CADPS2: variants seen among roughly 807,000 people sequenced by gnomAD.
The protein encoded by CADPS2 is calcium dependent secretion activator 2.
In CADPS2, 93 loss-of-function variants were observed where a neutral mutation model predicts 172.5. The observed-to-expected ratio is 0.54, with a 90% CI of 0.46 to 0.64. The LOEUF (loss-of-function observed/expected upper bound fraction) is 0.64, where lower values mean the gene tolerates loss of function less well. Among genes scored for constraint, CADPS2 ranks in the 30% least tolerant of loss-of-function variants. The pLI is 0.00. For missense variants in CADPS2, 1,420 were observed against 1,565.9 expected (o/e 0.91, Z 1.57); for synonymous variants, 546 against 555.2 (o/e 0.98, Z 0.23).
At chr7:122,689,404 GGC>G (rs2084037912) in intron 2 of CADPS2, among the ~76,000 whole-genome samples, 1 of 152,170 alleles carries the variant, frequency 6.6e-6, no homozygotes, top group Non-Finnish European at 1.5e-5. Flanking sequence ...ACAAAAGGAG[GGC>G]AACTCAGATG....
intron 9 of CADPS2, among the ~76,000 whole-genome samples, chr7:122,512,158 C>A (rs2060051101): frequency 6.6e-6 from 1 of 152,062 alleles, no homozygotes; most frequent in Non-Finnish European, 1.5e-5. Context: ...AGTTTTCACA[C>A]TTTTCATGGA....
intron 10 of CADPS2, 137 bp from the exon 11 acceptor site, chr7:122,490,418 G>C (rs1586578330): frequency 1.5e-6 from 1 of 652,178 alleles, no homozygotes; most frequent in East Asian, 2.7e-5. Context: ...TAGTTTAAAG[G>C]ATCAAATCCA....
chr7:122,722,599 T>C (rs1426624144), intron 2 of CADPS2, among the ~76,000 whole-genome samples: 2 of 143,778 alleles, frequency 1.4e-5, no homozygotes, highest in African/African-American at 2.6e-5. Flanking sequence ...ATCAATATTG[T>C]GAAAATGGCC....
chr7:122,663,298 A>G lies in CADPS2; in HGVS notation c.725T>C (p.Met242Thr). Residue 242 changes from methionine to threonine, a missense_variant, in exon 3 of 30, where the codon ATG (methionine) becomes ACG (threonine). Transcript: ENST00000449022. ...TTTAATACCCAGAATCTGCTGAAAC[A>G]TTTCATAGAGTTGTTCCTTGCTCAG... Reference protein sequence around the residue: ...LILSKEQLYEMFQQILGIKKL... With the variant: ...LILSKEQLYETFQQILGIKKL... 1 of 1,613,922 alleles carries G rather than the reference A, an allele frequency of 6.2e-7. No homozygotes were observed. The highest frequency in any genetic ancestry group is 8.5e-7 in the Non-Finnish European group (1 of 1,179,868).
intron 19 of CADPS2, chr7:122,412,938 A>G (rs145357976): frequency 2.4e-4 from 37 of 152,342 alleles, no homozygotes; most frequent in African/African-American, 7.5e-4. Context: ...GCTGTGGTTC[A>G]AATCTGTCAG....
At chr7:122,779,143 G>C (rs1249401190) in intron 1 of CADPS2, among the ~76,000 whole-genome samples, 1 of 152,108 alleles carries the variant, frequency 6.6e-6, no homozygotes, top group Non-Finnish European at 1.5e-5. Context: ...GTGGAACTGT[G>C]AGTCCATTAA....
At chr7:122,597,803 T>C (rs998987682) in intron 6 of CADPS2, among the ~76,000 whole-genome samples, 1 of 152,084 alleles carries the variant, frequency 6.6e-6, no homozygotes, top group African/African-American at 2.4e-5. Flanking sequence ...GAATAAAAAA[T>C]GTAACTGTGG....
intron 8 of CADPS2, among the ~76,000 whole-genome samples, chr7:122,542,204 G>C (rs561364843): frequency 1.2e-4 from 18 of 152,134 alleles, no homozygotes; most frequent in Admixed American, 8.5e-4. Context: ...CTTGCCTTAA[G>C]ATCACACAGT....
At chr7:122,820,542 GTTTTTTGTTTTTTGTTTTT>G (rs1335521594) in intron 1 of CADPS2, among the ~76,000 whole-genome samples, 2 of 117,792 alleles carry the variant, frequency 1.7e-5, no homozygotes, top group Non-Finnish European at 3.4e-5. Context: ...TGACCTTACT[GTTTTTTGTTTTTTGTTTTT>G]TTTTTTTTTT....
At chr7:122,798,061 T>C (rs1450051822) in intron 1 of CADPS2, among the ~76,000 whole-genome samples, 1 of 151,916 alleles carries the variant, frequency 6.6e-6, no homozygotes. Flanking sequence ...GCAAGTTCAA[T>C]TTTATGCAAA....
At chr7:122,663,597 C>T in intron 2 of CADPS2, 28 bp from the exon 3 acceptor site, 1 of 1,509,038 alleles carries the variant, frequency 6.6e-7, no homozygotes, top group Non-Finnish European at 8.9e-7. Context: ...CAAAACAAAA[C>T]AAAAAACAAT....
intron 28 of CADPS2, among the ~76,000 whole-genome samples, chr7:122,331,630 C>A (rs1373540865): frequency 6.6e-6 from 1 of 150,918 alleles, no homozygotes; most frequent in Non-Finnish European, 1.5e-5. Context: ...TACAAGGAGA[C>A]TCTGTCTCAA....
intron 6 of CADPS2, among the ~76,000 whole-genome samples, chr7:122,610,330 A>G (rs2074136460): frequency 6.6e-6 from 1 of 152,050 alleles, no homozygotes; most frequent in Admixed American, 6.6e-5. Context: ...TTGTAAAAAA[A>G]AAGTGTTAAA....
chr7:122,839,365 A>G (rs1464986937), intron 1 of CADPS2, among the ~76,000 whole-genome samples: 3 of 152,182 alleles, frequency 2.0e-5, no homozygotes, highest in African/African-American at 7.2e-5. Context: ...GGACATAGGC[A>G]TGGGCAAGGA....
intron 16 of CADPS2, among the ~76,000 whole-genome samples, chr7:122,439,200 C>A (rs936834222): frequency 3.9e-5 from 6 of 152,072 alleles, no homozygotes. Flanking sequence ...GCAATTACAT[C>A]CAGAATTCAA....
chr7:122,527,774 C>T (rs1044030033), intron 8 of CADPS2, among the ~76,000 whole-genome samples: 1 of 151,948 alleles, frequency 6.6e-6, no homozygotes, highest in Admixed American at 6.6e-5. Flanking sequence ...TTGCCCATGA[C>T]AGGCTTGTGC....
intron 7 of CADPS2, among the ~76,000 whole-genome samples, chr7:122,573,289 C>T (rs2067519100): frequency 6.6e-6 from 1 of 152,122 alleles, no homozygotes; most frequent in Non-Finnish European, 1.5e-5. Context: ...TGCCTGTAAT[C>T]CCTACACTTT....
intron 3 of CADPS2, among the ~76,000 whole-genome samples, chr7:122,640,512 G>A (rs2430052): frequency 0.79 from 118,009 of 149,180 alleles, 47,329 homozygotes; most frequent in Middle Eastern, 0.91. Flanking sequence ...GAGAGAGAGA[G>A]AAAAAAAAAG....
chr7:122,866,537 C>A (rs997317582), intron 1 of CADPS2, among the ~76,000 whole-genome samples: 7 of 152,236 alleles, frequency 4.6e-5, no homozygotes, highest in Admixed American at 3.3e-4. Flanking sequence ...CCCATCTCTA[C>A]TAAAAATACA....
Sources: gnomAD v4.1 joint callset for allele counts (sites outside exome capture counted in the v4.1 genomes callset) on GRCh38, gnomAD v4.1.1 for gene constraint, MANE v1.5 for transcripts, NCBI Gene and HGNC (gene_info 2026-07-23, HGNC 2026-07-21) for gene names.